The following TRMT61B variants were observed in gnomAD, a reference collection of about 807,000 sequenced individuals.
TRMT61B encodes tRNA methyltransferase 61B.
TRMT61B carries 56 observed loss-of-function variants against 52.0 expected under a neutral mutation model. That is an observed-to-expected ratio of 1.08 (90% CI 0.87 to 1.35). The LOEUF is 1.35. Among genes scored for constraint, TRMT61B ranks in the 40% most tolerant of loss-of-function variants. TRMT61B has a pLI of 0.00. For synonymous variants in TRMT61B, 206 were observed against 220.0 expected, an observed-to-expected ratio of 0.94 and a Z score of 0.56; for missense variants, 650 against 577.9, an observed-to-expected ratio of 1.12 and a Z score of -1.28.
intron 3 of TRMT61B, 140 bp from the exon 4 acceptor site, chr2:28,852,639 A>G (rs1669172032): frequency 1.6e-6 from 1 of 618,564 alleles, no homozygotes; most frequent in African/African-American, 1.9e-5. Context: ...ATTAACTATC[A>G]TTTTACCACT....
rs754714622 is a variant in TRMT61B, at chr2:28,870,160, A to C, written c.118T>G (p.Cys40Gly). The C allele has an allele frequency of 3.1e-6, 5 of 1,613,858 alleles. No homozygotes were observed. The Admixed American group carries it at 8.3e-5, about 27-fold the overall frequency. The change falls in exon 1 of 7, where the codon TGC (cysteine) becomes GGC (glycine). Residue 40 changes from cysteine (C) to glycine (G), a missense_variant. Physicochemically the swap from Cys to Gly is radical, Grantham distance 159. Transcript: ENST00000306108. ...CGCAGGTCTCTAGGCGAGGACCTGC[A>C]ACACAGTGACCGAGCTCCCTCGAAG... is the stretch of plus-strand genomic sequence containing the variant. Reference protein sequence around the residue: ...EPFEGARSLCCRSSPRDLRDG... With the variant: ...EPFEGARSLCGRSSPRDLRDG...
intron 3 of TRMT61B, among the ~76,000 whole-genome samples, chr2:28,854,332 C>T (rs915974690): frequency 9.9e-5 from 15 of 152,028 alleles, no homozygotes; most frequent in African/African-American, 3.1e-4. Context: ...GCAGAATAGG[C>T]GTGGTAACTC....
At chr2:28,866,335 G>C (rs1458953660) in intron 1 of TRMT61B, among the ~76,000 whole-genome samples, 3 of 152,092 alleles carry the variant, frequency 2.0e-5, no homozygotes, top group Admixed American at 6.6e-5. Context: ...ATATAACAGC[G>C]GTCCCCAACC....
At chr2:28,858,774 G>A (rs1395444913) in intron 3 of TRMT61B, among the ~76,000 whole-genome samples, 1 of 97,630 alleles carries the variant, frequency 1.0e-5, no homozygotes. Flanking sequence ...CAGCCTGGGC[G>A]AAAGAGCAGG....
In TRMT61B at chr2:28,854,770, A is replaced by AAG. The variant is rs777576460; in HGVS notation, c.994-2272_994-2271insCT. Among the ~76,000 whole-genome samples the AAG allele has an allele frequency of 9.0e-4, 98 of 109,424 alleles. 16 individuals are homozygous for AAG. The highest frequency in any genetic ancestry group is 1.8e-3 in the African/African-American group (51 of 28,576). 71.8% of individuals were successfully genotyped at this position (109,424 alleles called of 152,430 possible). A position where few individuals can be genotyped will look rare whatever the true frequency, so the allele number is the denominator to read the frequency against. On this transcript the variant is annotated intron_variant, in intron 3 of 6. Coordinates refer to ENST00000306108, the MANE Select transcript of TRMT61B (RefSeq NM_017910.4). ...AAAAAAAAAAAAAAAAAAAAAAAAA[A>AAG]ACTGCCAGGCGTGGTGGCATGCTCC...
intron 3 of TRMT61B, among the ~76,000 whole-genome samples, chr2:28,858,794 CAAAAAAAAAAAAAAAAA>C (rs1033258916): frequency 4.2e-5 from 1 of 23,586 alleles, no homozygotes; most frequent in Non-Finnish European, 7.9e-5. Flanking sequence ...GACTCCGTCT[CAAAAAAAAAAAAAAAAA>C]AAAAAAAAGA....
chr2:28,864,571 CA>C (rs1669747180), intron 2 of TRMT61B, among the ~76,000 whole-genome samples: 1 of 151,988 alleles, frequency 6.6e-6, no homozygotes, highest in Admixed American at 6.6e-5. Context: ...ATAAAAGTCA[CA>C]ATAGTGGTTT....
At chr2:28,854,689 A>G (rs571783732) in intron 3 of TRMT61B, among the ~76,000 whole-genome samples, 1 of 144,456 alleles carries the variant, frequency 6.9e-6, no homozygotes, top group East Asian at 2.3e-4. Flanking sequence ...CAGTGAGCAG[A>G]GATCAGGCCA....
Position 28,865,018 on chromosome 2 carries a change from T to C in TRMT61B, c.801A>G (p.Ala267=). The change falls in exon 2 of 7, where the codon GCA becomes GCG. Residue 267 remains alanine, a splice_region_variant and synonymous_variant. Transcript: ENST00000306108. ...ATCCAGCTCAGTCCAATCTCTTACC[T>C]GCTTTGGATAAAAATAAGCTCATTC... is the stretch of plus-strand genomic sequence containing the variant. ...SGGMSLFLSK[A]VGSQGRVISF... is the part of the protein sequence containing the mutation. 1.3e-6 allele frequency: 2 copies of C among 1,599,516 alleles called. No individual in the cohort carries two copies. The highest frequency in any genetic ancestry group is 8.6e-7 in the Non-Finnish European group (1 of 1,166,978).
chr2:28,869,855 A>AG lies in TRMT61B; in HGVS notation c.422dup (p.Ser142PhefsTer19), dbSNP rs1438513216. On this transcript the variant is annotated frameshift_variant, in exon 1 of 7. Coordinates refer to ENST00000306108, the MANE Select transcript of TRMT61B (RefSeq NM_017910.4). LOFTEE classifies it high-confidence loss of function. The stretch of plus-strand genomic sequence containing the variant: ...GTCTCTCTCTGGAAGTTGAACAAGA[A>AG]GGGGAGACGTGACGCTCTTCGACCT... 6.2e-7 allele frequency: 1 copy of AG among 1,614,006 alleles called. No homozygotes were observed. The highest frequency in any genetic ancestry group is 8.5e-7 in the Non-Finnish European group (1 of 1,180,022).
chr2:28,855,766 C>T (rs927583850), intron 3 of TRMT61B, among the ~76,000 whole-genome samples: 2 of 152,046 alleles, frequency 1.3e-5, no homozygotes, highest in African/African-American at 4.8e-5. Flanking sequence ...GTGAGGAGTT[C>T]GAGGCCAACC....
chr2:28,858,794 C>CAAAAAAAAAAAAAAA (rs1033258916), intron 3 of TRMT61B, among the ~76,000 whole-genome samples: 1 of 23,596 alleles, frequency 4.2e-5, no homozygotes, highest in African/African-American at 1.5e-4. Flanking sequence ...GACTCCGTCT[C>CAAAAAAAAAAAAAAA]AAAAAAAAAA....
At chr2:28,860,760 C>T (rs981320578) in intron 3 of TRMT61B, among the ~76,000 whole-genome samples, 5 of 152,116 alleles carry the variant, frequency 3.3e-5, no homozygotes, top group Admixed American at 3.3e-4. Flanking sequence ...CTACTTATTC[C>T]CCCAAATCTC....
Position 28,869,808 on chromosome 2 carries a change from A to G in TRMT61B, c.470T>C (p.Ile157Thr), listed in dbSNP as rs1670005297. 2 of 1,614,146 alleles carry G rather than the reference A, an allele frequency of 1.2e-6. No individual in the cohort carries two copies. Among genetic ancestry groups the G allele is most frequent in the East Asian group, 4.5e-5 (2 of 44,876 alleles). ...RERPFQAGEL[I>T]LAETGEGETK... ...TTCTCCCTCCCCAGTCTCAGCTAAA[A>G]TCAGTTCCCCAGCCTGAAAGGGTCT... Residue 157 changes from isoleucine (I) to threonine (T), a missense_variant, in exon 1 of 7, where the codon ATT (isoleucine) becomes ACT (threonine). Coordinates refer to ENST00000306108, the MANE Select transcript of TRMT61B (RefSeq NM_017910.4).
In TRMT61B at chr2:28,865,073, G is replaced by GT. The variant is rs1454160080; in HGVS notation, c.745dup (p.Thr249AsnfsTer30). Reference sequence around the variant, plus strand: ...AGAGCCTGAGCCAGCTTCCAAAACAGTATCACCTGGGTTGATATCCATCAT... The same window carrying GT: ...AGAGCCTGAGCCAGCTTCCAAAACAGTTATCACCTGGGTTGATATCCATCAT... On this transcript the variant is annotated frameshift_variant, in exon 2 of 7. Transcript: ENST00000306108. LOFTEE classifies it high-confidence loss of function. The GT allele has an allele frequency of 6.2e-7, 1 of 1,613,072 alleles. No homozygotes were observed. The highest frequency in any genetic ancestry group is 1.3e-5 in the African/African-American group (1 of 74,896).
chr2:28,863,729 G>A (rs1333290038), intron 2 of TRMT61B, among the ~76,000 whole-genome samples: 1 of 152,150 alleles, frequency 6.6e-6, no homozygotes. Flanking sequence ...GAGGAGCCCA[G>A]AATGAATTTA....
rs187595949 is a variant in TRMT61B, at chr2:28,852,928, C to T, written c.994-429G>A. On this transcript the variant is annotated intron_variant, in intron 3 of 6. Coordinates refer to ENST00000306108, the MANE Select transcript of TRMT61B (RefSeq NM_017910.4). ...GACCTATGACTGTGCCATCATACTCCACCCTGGGCAAGAGTGAGATCCTGT... is the reference window on the plus strand; with the variant it reads ...GACCTATGACTGTGCCATCATACTCTACCCTGGGCAAGAGTGAGATCCTGT... Among the ~76,000 whole-genome samples, 163 of 152,242 alleles carry T rather than the reference C, an allele frequency of 1.1e-3. 1 individual carries two copies. Among genetic ancestry groups the T allele is most frequent in the Non-Finnish European group, 1.5e-3 (102 of 68,020 alleles).
At chr2:28,862,408 C>A (rs188234506) in intron 2 of TRMT61B, among the ~76,000 whole-genome samples, 3 of 143,882 alleles carry the variant, frequency 2.1e-5, no homozygotes, top group Admixed American at 1.4e-4. Flanking sequence ...TCACAGCTCA[C>A]GGCAACCCCC....
intron 1 of TRMT61B, among the ~76,000 whole-genome samples, chr2:28,867,790 C>T (rs912668471): frequency 6.6e-6 from 1 of 151,996 alleles, no homozygotes; most frequent in Non-Finnish European, 1.5e-5. Flanking sequence ...CAGGAGCGGT[C>T]GTTCTCACCT....
Sources: gnomAD v4.1 joint callset for allele counts (sites outside exome capture counted in the v4.1 genomes callset) on GRCh38, gnomAD v4.1.1 for gene constraint, MANE v1.5 for transcripts, NCBI Gene and HGNC (gene_info 2026-07-23, HGNC 2026-07-21) for gene names.